The following NCOA5 variants were observed in gnomAD, a reference collection of about 807,000 sequenced individuals.
The protein encoded by NCOA5 is nuclear receptor coactivator 5.
In NCOA5, 12 loss-of-function variants were observed where a neutral mutation model predicts 59.0. The observed-to-expected ratio is 0.20, with a 90% CI of 0.13 to 0.33. The LOEUF (loss-of-function observed/expected upper bound fraction) is 0.33, where lower values mean the gene tolerates loss of function less well. NCOA5 is among the 10% of genes least tolerant of loss of function. The pLI is 1.00. For missense variants in NCOA5, 655 were observed against 766.6 expected, an observed-to-expected ratio of 0.85 and a Z score of 1.72; for synonymous variants, 270 against 275.5, an observed-to-expected ratio of 0.98 and a Z score of 0.20.
intron 5 of NCOA5, among the ~76,000 whole-genome samples, chr20:46,066,717 T>C (rs572260395): frequency 1.3e-5 from 2 of 152,320 alleles, no homozygotes; most frequent in East Asian, 3.9e-4. Context: ...CCAGTGCCAT[T>C]CTGCCTCTTC....
intron 2 of NCOA5, among the ~76,000 whole-genome samples, chr20:46,076,602 T>C (rs1396441335): frequency 6.6e-6 from 1 of 151,930 alleles, no homozygotes; most frequent in African/African-American, 2.4e-5. Flanking sequence ...CTGGGACTCT[T>C]AGTTCGGTTT....
At chr20:46,067,410 C>T (rs1166448897) in intron 4 of NCOA5, among the ~76,000 whole-genome samples, 3 of 152,176 alleles carry the variant, frequency 2.0e-5, no homozygotes, top group Non-Finnish European at 4.4e-5. Flanking sequence ...AAGCTGCTCC[C>T]TGAGAAGGCT....
At chr20:46,079,181 CCACCGAAAA>C (rs2084967763) in intron 2 of NCOA5, among the ~76,000 whole-genome samples, 197 bp downstream of exon 2, 1 of 152,090 alleles carries the variant, frequency 6.6e-6, no homozygotes. Context: ...GCTGGATTTG[CCACCGAAAA>C]CACAAAGCTT....
At chr20:46,079,563 G>T in intron 1 of NCOA5, 110 bp from the exon 2 acceptor site, 2 of 908,226 alleles carry the variant, frequency 2.2e-6, no homozygotes, top group Non-Finnish European at 3.4e-6. Context: ...CAACCAGATG[G>T]TGTAAGAAAA....
rs749845429 is a variant in NCOA5, at chr20:46,063,606, G to C, written c.904C>G (p.Arg302Gly). The C allele has an allele frequency of 1.2e-6, 2 of 1,614,048 alleles. No individual in the cohort carries two copies. Among genetic ancestry groups the C allele is most frequent in the East Asian group, 4.5e-5 (2 of 44,860 alleles). Residue 302 changes from arginine to glycine, a missense_variant, in exon 7 of 8, where the codon CGG (arginine) becomes GGG (glycine). Physicochemically the swap from Arg to Gly is moderately radical, Grantham distance 125 (BLOSUM62 -2). Coordinates refer to ENST00000290231, the MANE Select transcript of NCOA5 (RefSeq NM_020967.3). ...RNYERYKNEC[R>G]EKEREEIARQ... is the part of the protein sequence containing the mutation. Reference sequence around the variant, plus strand: ...GCAATCTCCTCACGTTCCTTCTCCCGGCACTCATTCTTGTAACGCTCATAA... The same window carrying C: ...GCAATCTCCTCACGTTCCTTCTCCCCGCACTCATTCTTGTAACGCTCATAA...
Position 46,062,053 on chromosome 20 carries a change from G to GC in NCOA5, c.*246dup, listed in dbSNP as rs752561302. The stretch of plus-strand genomic sequence containing the variant: ...AAATACAAGCCCAGACACCTGTACT[G>GC]CCCCCGGAGATATTTATTTTCTACA... On this transcript the variant is annotated 3_prime_UTR_variant, in exon 8 of 8. Transcript: ENST00000290231. 5.6e-5 allele frequency: 22 copies of GC among 390,806 alleles called. No homozygotes were observed. Among genetic ancestry groups the GC allele is most frequent in the East Asian group, 5.0e-4 (12 of 24,200 alleles). 24.2% of individuals were successfully genotyped at this position (390,806 alleles called of 1,614,324 possible).
In NCOA5 at chr20:46,063,444, T is replaced by C; in HGVS notation, c.1066A>G (p.Thr356Ala). 6.2e-7 allele frequency: 1 copy of C among 1,614,054 alleles called. No homozygotes were observed. The highest frequency in any genetic ancestry group is 8.5e-7 in the Non-Finnish European group (1 of 1,179,918). ...ATGATCTTGTCAGTCTCTTCAGCAG[T>C]GAGGTACCTGTTGTCTGCCAGCAGG... ...INLLADNRYL[T>A]AEETDKIINY... The change falls in exon 7 of 8, where the codon ACT becomes GCT. Residue 356 changes from threonine to alanine, a missense_variant. By Grantham distance (58) the Thr-to-Ala change is moderately conservative. Coordinates refer to ENST00000290231, the MANE Select transcript of NCOA5 (RefSeq NM_020967.3).
intron 2 of NCOA5, among the ~76,000 whole-genome samples, chr20:46,074,147 A>C (rs1263918845): frequency 6.6e-6 from 1 of 152,218 alleles, no homozygotes. Flanking sequence ...AAACAAAACA[A>C]AAAACCCTTT....
Position 46,070,263 on chromosome 20 carries a change from G to T in NCOA5, c.312C>A (p.Asp104Glu). 1.9e-6 allele frequency: 3 copies of T among 1,614,066 alleles called. No individual in the cohort carries two copies. The highest frequency in any genetic ancestry group is 1.1e-5 in the South Asian group (1 of 91,070). The change falls in exon 3 of 8, where the codon GAC becomes GAA. Residue 104 changes from aspartate (D) to glutamate (E), a missense_variant. Asp to Glu is a conservative substitution (Grantham distance 45, BLOSUM62 2). Around this residue, in one of 3 missense-constraint regions of NCOA5, gnomAD observed 250 missense variants for 260.1 expected, o/e 0.96. Transcript: ENST00000290231. ...RDSRDFRDQRDPMYDRYRDMR... is the reference protein window; with the variant it reads ...RDSRDFRDQREPMYDRYRDMR... Reference sequence around the variant, plus strand: ...TGTCTCTGTATCTGTCGTACATGGGGTCTCGCTGATCTCGAAAATCCCTAG... The same window carrying T: ...TGTCTCTGTATCTGTCGTACATGGGTTCTCGCTGATCTCGAAAATCCCTAG...
chr20:46,077,054 A>T (rs1429810692), intron 2 of NCOA5, among the ~76,000 whole-genome samples: 1 of 152,148 alleles, frequency 6.6e-6, no homozygotes, highest in Non-Finnish European at 1.5e-5. Flanking sequence ...AGTAGCTGGG[A>T]GTACAGGCAA....
intron 2 of NCOA5, among the ~76,000 whole-genome samples, chr20:46,077,790 A>G (rs1471628296): frequency 6.6e-6 from 1 of 152,136 alleles, no homozygotes; most frequent in African/African-American, 2.4e-5. Flanking sequence ...ATTAGATGCA[A>G]CTCTTATCCA....
intron 4 of NCOA5, 118 bp from the exon 5 acceptor site, chr20:46,067,299 A>T: frequency 1.7e-6 from 2 of 1,172,172 alleles, no homozygotes; most frequent in South Asian, 3.5e-5. Flanking sequence ...ATCTCCTAAA[A>T]ACAGCCAGTA....
rs763982796 is a variant in NCOA5 at position 46,067,059 on chromosome 20, T to C, written c.625A>G (p.Thr209Ala). 1.9e-5 allele frequency: 30 copies of C among 1,613,298 alleles called. No individual in the cohort carries two copies. The highest frequency in any genetic ancestry group is 2.5e-5 in the Non-Finnish European group (29 of 1,179,782). ...DCSVIVVNKQ[T>A]KDYAESVGRK... ...GAAATATCTAAGGGTTCTTACTTTG[T>C]CTGTTTGTTGACCACAATCACAGAA... is the stretch of plus-strand genomic sequence containing the variant. Residue 209 changes from threonine to alanine, a missense_variant, in exon 5 of 8, where the codon ACA becomes GCA. Transcript: ENST00000290231.
chr20:46,067,252 G>A, intron 4 of NCOA5, 71 bp from the exon 5 acceptor site: 4 of 1,544,404 alleles, frequency 2.6e-6, no homozygotes, highest in Middle Eastern at 3.5e-4. Context: ...CTACTTGTAG[G>A]CAAAGGTCAT....
intron 1 of NCOA5, among the ~76,000 whole-genome samples, chr20:46,082,874 C>A (rs1463400796): frequency 6.6e-6 from 1 of 152,012 alleles, no homozygotes. Context: ...GAAGAACTCC[C>A]AAAATATACA....
At chr20:46,080,043 AAAG>A (rs1392153913) in intron 1 of NCOA5, among the ~76,000 whole-genome samples, 1 of 150,042 alleles carries the variant, frequency 6.7e-6, no homozygotes, top group Non-Finnish European at 1.5e-5. Flanking sequence ...TTTAATAAAC[AAAG>A]AATATGACCT....
At chr20:46,078,184 T>C (rs1423919093) in intron 2 of NCOA5, among the ~76,000 whole-genome samples, 2 of 151,050 alleles carry the variant, frequency 1.3e-5, no homozygotes, top group African/African-American at 2.4e-5. Flanking sequence ...GCAGCATTAC[T>C]TGCCCTTAGG....
At chr20:46,088,716 T>A (rs2085068467) in intron 1 of NCOA5, among the ~76,000 whole-genome samples, 2 of 152,188 alleles carry the variant, frequency 1.3e-5, no homozygotes, top group South Asian at 4.1e-4. Flanking sequence ...AGAAAGCTGT[T>A]ACATTATCCC....
intron 3 of NCOA5, among the ~76,000 whole-genome samples, chr20:46,069,493 T>C (rs555175244): frequency 3.9e-5 from 6 of 152,314 alleles, no homozygotes; most frequent in Non-Finnish European, 7.4e-5. Flanking sequence ...CTCAGCACTT[T>C]GGGAAGCCAA....
Sources: gnomAD v4.1 joint callset for allele counts (sites outside exome capture counted in the v4.1 genomes callset) on GRCh38, gnomAD v4.1.1 for gene constraint, gnomAD v4.1.1 regional missense constraint, MANE v1.5 for transcripts, NCBI Gene and HGNC (gene_info 2026-07-23, HGNC 2026-07-21) for gene names.